KCNC4: variants seen among roughly 807,000 people sequenced by gnomAD.
KCNC4 encodes the protein potassium voltage-gated channel subfamily C member 4.
A neutral mutation model predicts 42.8 loss-of-function variants in KCNC4; 23 were observed. The ratio of observed to expected loss-of-function variants is 0.54; its 90% CI spans 0.39 to 0.76. KCNC4 has a LOEUF of 0.76. Ranked by LOEUF, KCNC4 falls within the 30% of genes least tolerant of loss-of-function variation. The probability of loss-of-function intolerance (pLI) is 0.00; values close to 1 mark genes in which losing one functional copy is unlikely to be tolerated. For synonymous variants in KCNC4, 422 were observed against 393.5 expected, an observed-to-expected ratio of 1.07 and a Z score of -0.86; for missense variants, 751 against 898.2, an observed-to-expected ratio of 0.84 and a Z score of 2.10.
intron 1 of KCNC4, among the ~76,000 whole-genome samples, chr1:110,276,245 A>G (rs56936940): frequency 0.23 from 34,342 of 147,712 alleles, 4,888 homozygotes; most frequent in Non-Finnish European, 0.32. Flanking sequence ...AGACTTCACC[A>G]CTATATAATA....
chr1:110,260,493 C>T (rs1288873142), intron 1 of KCNC4, among the ~76,000 whole-genome samples: 1 of 152,136 alleles, frequency 6.6e-6, no homozygotes, highest in East Asian at 1.9e-4. Context: ...TAAAAGATTC[C>T]TGCAAAGAAA....
chr1:110,251,974 C>T (rs1659257749), downstream of KCNC4, among the ~76,000 whole-genome samples: 1 of 152,220 alleles, frequency 6.6e-6, no homozygotes, highest in South Asian at 2.1e-4. Context: ...ACTTTGAGAG[C>T]AAGCCCATGA....
At chr1:110,262,299 A>G (rs1331768140) in intron 1 of KCNC4, among the ~76,000 whole-genome samples, 1 of 152,182 alleles carries the variant, frequency 6.6e-6, no homozygotes, top group Non-Finnish European at 1.5e-5. Context: ...TATCTTGAAC[A>G]CCTGACCTCA....
chr1:110,227,683 C>G (rs1353544309), intron 3 of KCNC4, among the ~76,000 whole-genome samples: 1 of 152,208 alleles, frequency 6.6e-6, no homozygotes, highest in Non-Finnish European at 1.5e-5. Flanking sequence ...GCTAAGCAGA[C>G]AGTCTAGAAC....
intron 1 of KCNC4, among the ~76,000 whole-genome samples, chr1:110,279,644 G>A (rs572781988): frequency 7.8e-4 from 119 of 152,272 alleles, no homozygotes; most frequent in African/African-American, 2.8e-3. Flanking sequence ...GATGTAAAAG[G>A]GGAATGCAGG....
intron 3 of KCNC4, chr1:110,232,608 G>A: frequency 6.9e-7 from 1 of 1,439,442 alleles, no homozygotes; most frequent in South Asian, 1.5e-5. Context: ...GTATGGCGAT[G>A]AGCTACAACA....
intron 1 of KCNC4, among the ~76,000 whole-genome samples, chr1:110,218,377 G>A (rs962235189): frequency 7.9e-5 from 12 of 151,970 alleles, no homozygotes; most frequent in African/African-American, 1.5e-4. Flanking sequence ...CCGGTTCTTC[G>A]TATGACTCAC....
At chr1:110,212,348 C>T (rs1369375354) in intron 1 of KCNC4, among the ~76,000 whole-genome samples, 171 bp downstream of exon 1, 1 of 152,172 alleles carries the variant, frequency 6.6e-6, no homozygotes, top group East Asian at 1.9e-4. Flanking sequence ...ATTACACACT[C>T]CCACCCTCTC....
intron 1 of KCNC4, among the ~76,000 whole-genome samples, chr1:110,216,919 T>C (rs1657823227): frequency 1.3e-5 from 2 of 152,172 alleles, no homozygotes; most frequent in South Asian, 2.1e-4. Context: ...TTACTGGGCA[T>C]ATACCCTTGT....
Position 110,223,640 on chromosome 1 carries a change from T to A in KCNC4, c.1355T>A (p.Val452Glu), listed in dbSNP as rs1658230368. The A allele has an allele frequency of 6.2e-7, 1 of 1,613,944 alleles. No homozygotes were observed. The highest frequency in any genetic ancestry group is 8.5e-7 in the Non-Finnish European group (1 of 1,180,024). The change falls in exon 2 of 4, where the codon GTA becomes GAA. Residue 452 changes from valine (V) to glutamate (E), a missense_variant. Physicochemically the swap from Val to Glu is moderately radical, Grantham distance 121 (BLOSUM62 -2). Around this residue, in one of 4 missense-constraint regions of KCNC4, gnomAD observed 185 missense variants for 293.7 expected, o/e 0.63. Coordinates refer to ENST00000438661, the MANE Select transcript of KCNC4 (RefSeq NM_001039574.3). This position sits in a 1 kb window ranked among gnomAD's most constrained non-coding sequence, Gnocchi z 7.5. Reference protein sequence around the residue: ...MYPKTWSGMLVGALCALAGVL... With the variant: ...MYPKTWSGMLEGALCALAGVL... Reference sequence around the variant, plus strand: ...CCCAAGACGTGGTCAGGCATGCTGGTAGGGGCACTGTGTGCACTGGCTGGC... The same window carrying A: ...CCCAAGACGTGGTCAGGCATGCTGGAAGGGGCACTGTGTGCACTGGCTGGC...
chr1:110,218,626 C>A (rs1043371577), intron 1 of KCNC4, among the ~76,000 whole-genome samples: 12 of 152,118 alleles, frequency 7.9e-5, no homozygotes, highest in Non-Finnish European at 1.8e-4. Context: ...TTCCCAAACA[C>A]GGTGTCTTGT....
downstream of KCNC4, among the ~76,000 whole-genome samples, chr1:110,252,258 A>T (rs1415276731): frequency 3.9e-5 from 6 of 152,204 alleles, no homozygotes; most frequent in African/African-American, 1.2e-4. Flanking sequence ...CTAAGAAAAT[A>T]AATCCGTTAA....
At chr1:110,257,270 C>T (rs778181409) in intron 1 of KCNC4, among the ~76,000 whole-genome samples, 1 of 152,182 alleles carries the variant, frequency 6.6e-6, no homozygotes, top group Non-Finnish European at 1.5e-5. Context: ...TTTGTACAGG[C>T]CACTGATGTG....
chr1:110,273,152 T>A (rs909413488), intron 1 of KCNC4, among the ~76,000 whole-genome samples: 2 of 152,186 alleles, frequency 1.3e-5, no homozygotes, highest in African/African-American at 4.8e-5. Flanking sequence ...AAAGAGGGCA[T>A]CTAGTTAGAG....
downstream of KCNC4, among the ~76,000 whole-genome samples, chr1:110,254,103 G>C (rs1659291473): frequency 7.0e-6 from 1 of 142,734 alleles, no homozygotes; most frequent in Non-Finnish European, 1.6e-5. Context: ...GGGGGGGGCG[G>C]CGTTTCTGTT....
At chr1:110,231,411 G>A (rs1245386383) in intron 3 of KCNC4, among the ~76,000 whole-genome samples, 1 of 152,162 alleles carries the variant, frequency 6.6e-6, no homozygotes, top group Non-Finnish European at 1.5e-5. Context: ...CCTGAGGATG[G>A]AGAGTCCATG....
intron 1 of KCNC4, among the ~76,000 whole-genome samples, chr1:110,214,839 C>T (rs533064795): frequency 6.6e-6 from 1 of 152,236 alleles, no homozygotes; most frequent in Non-Finnish European, 1.5e-5. Context: ...CAGATGGAGA[C>T]GTCAGAAGGA....
At chr1:110,276,068 G>C (rs1173667856) in intron 1 of KCNC4, among the ~76,000 whole-genome samples, 1 of 151,474 alleles carries the variant, frequency 6.6e-6, no homozygotes, top group African/African-American at 2.4e-5. Flanking sequence ...AATACCATAT[G>C]TTCTCTTATA....
At chr1:110,224,837 G>A (rs1658300642) in intron 2 of KCNC4, 1 of 152,366 alleles carries the variant, frequency 6.6e-6, no homozygotes, top group African/African-American at 2.4e-5. Context: ...ATGGGGAGGT[G>A]GACTGGAGCC....
Sources: gnomAD v4.1 joint callset for allele counts (sites outside exome capture counted in the v4.1 genomes callset) on GRCh38, gnomAD v4.1.1 for gene constraint, gnomAD v4.1.1 regional missense constraint, Gnocchi (gnomAD v3.1) non-coding constraint, MANE v1.5 for transcripts, NCBI Gene and HGNC (gene_info 2026-07-23, HGNC 2026-07-21) for gene names.